RNF111: variants seen among roughly 807,000 people sequenced by gnomAD.
RNF111 encodes E3 ubiquitin-protein ligase Arkadia.
A neutral mutation model predicts 95.1 loss-of-function variants in RNF111; 17 were observed. The ratio of observed to expected loss-of-function variants is 0.18; its 90% CI spans 0.12 to 0.27. The LOEUF is 0.27. Among genes scored for constraint, RNF111 ranks in the 10% least tolerant of loss-of-function variants. RNF111 has a pLI of 1.00. For synonymous variants in RNF111, 440 were observed against 414.8 expected (o/e 1.06, Z -0.74); for missense variants, 1,189 against 1,210.4 (o/e 0.98, Z 0.26).
intron 1 of RNF111, among the ~76,000 whole-genome samples, chr15:59,028,781 A>ATTTTTTT (rs34725448): frequency 3.4e-5 from 5 of 147,142 alleles, no homozygotes; most frequent in African/African-American, 2.5e-5. Context: ...TTTGTGTTTA[A>ATTTTTTT]TTTTTTTTTT....
Position 58,991,356 on chromosome 15 carries a change from C to T in RNF111, c.-20+3288C>T, listed in dbSNP as rs116203990. Among the ~76,000 whole-genome samples the T allele has an allele frequency of 2.0e-3, 309 of 152,252 alleles. 1 individual carries two copies. Among genetic ancestry groups the T allele is most frequent in the African/African-American group, 7.1e-3 (295 of 41,546 alleles). On this transcript the variant is annotated intron_variant, in intron 1 of 13. Transcript: ENST00000348370. ...TGAGCTTACATTTTAAAGAGCGGTA[C>T]TGCATTATTACGTAGATACATTTAT...
chr15:58,999,251 CA>C (rs1230842381), intron 1 of RNF111, among the ~76,000 whole-genome samples: 1 of 151,840 alleles, frequency 6.6e-6, no homozygotes, highest in Non-Finnish European at 1.5e-5. Flanking sequence ...GAGAGATTTG[CA>C]AAAAATGTAT....
intron 1 of RNF111, among the ~76,000 whole-genome samples, chr15:58,995,743 C>T (rs1293299170): frequency 6.7e-6 from 1 of 148,794 alleles, no homozygotes; most frequent in Non-Finnish European, 1.5e-5. Context: ...GGATTACAGG[C>T]ATGAGATGCC....
chr15:59,058,650 G>A (rs1171666691), intron 5 of RNF111, 100 bp downstream of exon 5: 23 of 1,038,574 alleles, frequency 2.2e-5, no homozygotes, highest in South Asian at 4.0e-5. Flanking sequence ...GTTAATAAGC[G>A]GGTATTCTTA....
chr15:59,016,309 A>G (rs923911958), intron 1 of RNF111, among the ~76,000 whole-genome samples: 1 of 151,940 alleles, frequency 6.6e-6, no homozygotes, highest in Non-Finnish European at 1.5e-5. Flanking sequence ...AGCTGGGACT[A>G]CAGGCACGCA....
chr15:59,089,563 G>T, intron 10 of RNF111, 104 bp from the exon 11 acceptor site: 1 of 835,560 alleles, frequency 1.2e-6, no homozygotes, highest in East Asian at 2.5e-5. Flanking sequence ...AATTTTATGA[G>T]CAGTTGAATT....
At chr15:59,041,961 A>ATTTTTTTTTTTTTTTTTTTTT (rs79347638) in intron 2 of RNF111, among the ~76,000 whole-genome samples, 2 of 100,106 alleles carry the variant, frequency 2.0e-5, no homozygotes, top group African/African-American at 8.0e-5. Flanking sequence ...GTCTGTTCAT[A>ATTTTTTTTTTTTTTTTTTTTT]TTTTTTTTTT....
chr15:59,091,202 A>T, intron 12 of RNF111, 48 bp downstream of exon 12: 3 of 1,034,024 alleles, frequency 2.9e-6, no homozygotes, highest in Non-Finnish European at 4.5e-6. Flanking sequence ...GAAAGGCATA[A>T]ATGTAATATA....
Position 59,084,215 on chromosome 15 carries a change from T to C in RNF111, c.2384T>C (p.Met795Thr). The change falls in exon 9 of 14, where the codon ATG (methionine) becomes ACG (threonine). Residue 795 changes from methionine to threonine, a missense_variant. Physicochemically the swap from Met to Thr is moderately conservative, Grantham distance 81 (BLOSUM62 -1). Coordinates refer to ENST00000348370, the MANE Select transcript of RNF111 (RefSeq NM_017610.8). ...CATCATATTCATGTGCCTCAGACTA[T>C]GTCCTCACATCCTCGACAGGCTCCA... Reference protein sequence around the residue: ...HGHHIHVPQTMSSHPRQAPER... With the variant: ...HGHHIHVPQTTSSHPRQAPER... 6.3e-7 allele frequency: 1 copy of C among 1,598,512 alleles called. No individual in the cohort carries two copies. Among genetic ancestry groups the C allele is most frequent in the South Asian group, 1.1e-5 (1 of 88,320 alleles).
chr15:59,045,655 CTT>C (rs1160245632), intron 2 of RNF111, among the ~76,000 whole-genome samples: 2 of 152,102 alleles, frequency 1.3e-5, no homozygotes, highest in African/African-American at 2.4e-5. Context: ...AAAAATATGA[CTT>C]GTCGTTGATA....
At chr15:59,005,659 T>C (rs1412386248) in intron 1 of RNF111, among the ~76,000 whole-genome samples, 2 of 152,034 alleles carry the variant, frequency 1.3e-5, no homozygotes, top group Non-Finnish European at 2.9e-5. Flanking sequence ...AGCTAGAGGA[T>C]TGAAGTCGTA....
At chr15:59,064,553 A>AT (rs1566924725) in intron 5 of RNF111, among the ~76,000 whole-genome samples, 2 of 150,942 alleles carry the variant, frequency 1.3e-5, no homozygotes, top group African/African-American at 4.9e-5. Context: ...AAAAAAAAAA[A>AT]GGAAATAATT....
intron 3 of RNF111, 137 bp downstream of exon 3, chr15:59,052,568 G>GTT: frequency 9.8e-6 from 4 of 407,348 alleles, no homozygotes; most frequent in Non-Finnish European, 1.2e-5. Flanking sequence ...CAGATTAGTG[G>GTT]ATTTTTTTTT....
chr15:59,071,371 T>G (rs2042919378), intron 6 of RNF111, among the ~76,000 whole-genome samples: 1 of 151,808 alleles, frequency 6.6e-6, no homozygotes, highest in Non-Finnish European at 1.5e-5. Flanking sequence ...GAAAGTGTTT[T>G]GCTTAGGATT....
chr15:59,074,115 C>T (rs1015337128), intron 6 of RNF111, among the ~76,000 whole-genome samples: 3 of 152,082 alleles, frequency 2.0e-5, no homozygotes, highest in Admixed American at 1.3e-4. Context: ...CAGTAAACCA[C>T]GTAAATAGCT....
intron 1 of RNF111, among the ~76,000 whole-genome samples, chr15:58,993,732 C>T (rs1567194881): frequency 1.3e-5 from 2 of 152,108 alleles, no homozygotes; most frequent in Non-Finnish European, 2.9e-5. Flanking sequence ...CCTGAAGGGG[C>T]TTATGGCTTG....
Position 59,066,692 on chromosome 15 carries a change from A to G in RNF111, c.1367-72A>G, listed in dbSNP as rs1216875578. The G allele has an allele frequency of 3.6e-6, 4 of 1,122,110 alleles. No homozygotes were observed. In the East Asian group the frequency reaches 7.1e-5, roughly 20 times the overall value. 69.5% of individuals were successfully genotyped at this position (1,122,110 alleles called of 1,614,324 possible). A position where few individuals can be genotyped will look rare whatever the true frequency, so the allele number is the denominator to read the frequency against. ...ATTTCTTTAAACATTTATTATTTATACCCCATACCTATTTTTTTACACAGT... is the reference window on the plus strand; with the variant it reads ...ATTTCTTTAAACATTTATTATTTATGCCCCATACCTATTTTTTTACACAGT... On this transcript the variant is annotated intron_variant, in intron 5 of 13. Coordinates refer to ENST00000348370, the MANE Select transcript of RNF111 (RefSeq NM_017610.8).
chr15:59,076,254 G>T, intron 7 of RNF111, 39 bp downstream of exon 7: 1 of 1,588,742 alleles, frequency 6.3e-7, no homozygotes, highest in Non-Finnish European at 8.6e-7. Flanking sequence ...CTAGAGTCAT[G>T]TCAATGAAGC....
chr15:59,079,134 C>G (rs1199305174), intron 7 of RNF111, among the ~76,000 whole-genome samples: 1 of 152,134 alleles, frequency 6.6e-6, no homozygotes, highest in Non-Finnish European at 1.5e-5. Context: ...TTTGTTTAAA[C>G]AGTGAATTAA....
Sources: allele counts gnomAD v4.1 joint callset (sites outside exome capture counted in the v4.1 genomes callset), GRCh38; gene constraint gnomAD v4.1.1; transcripts MANE v1.5; gene names NCBI Gene and HGNC (gene_info 2026-07-23, HGNC 2026-07-21).